The following DLG2 variants were observed in gnomAD, a reference collection of about 807,000 sequenced individuals.
DLG2 encodes disks large homolog 2.
In DLG2, 45 loss-of-function variants were observed where a neutral mutation model predicts 132.5. The observed-to-expected ratio is 0.34, with a 90% confidence interval of 0.27 to 0.44. DLG2 has a LOEUF of 0.44. DLG2 is among the 20% of genes least tolerant of loss of function. The pLI is 1.00. For missense variants in DLG2, 1,045 were observed against 1,196.9 expected (o/e 0.87, Z 1.87); for synonymous variants, 424 against 419.6 (o/e 1.01, Z -0.13).
chr11:84,481,730 T>G (rs965579716), intron 7 of DLG2, among the ~76,000 whole-genome samples: 1 of 152,154 alleles, frequency 6.6e-6, no homozygotes, highest in Admixed American at 6.6e-5. Context: ...AAGTCAAATA[T>G]AGCATTTTCT....
chr11:84,764,414 A>G (rs1410583403), intron 6 of DLG2, among the ~76,000 whole-genome samples: 2 of 152,114 alleles, frequency 1.3e-5, no homozygotes, highest in Non-Finnish European at 2.9e-5. Context: ...TCTAGTCAAT[A>G]TTTTGACGCA....
At chr11:84,264,766 G>A (rs546442804) in intron 7 of DLG2, among the ~76,000 whole-genome samples, 3 of 152,118 alleles carry the variant, frequency 2.0e-5, no homozygotes, top group Admixed American at 1.3e-4. Flanking sequence ...CAATCATCTC[G>A]TGACTGCTCC....
Position 83,770,255 on chromosome 11 carries a change from G to GTTTTTTTTTTTTTTTTT in DLG2, c.1825+16434_1825+16435insAAAAAAAAAAAAAAAAA, listed in dbSNP as rs143065797. On this transcript the variant is annotated intron_variant, in intron 18 of 27. Transcript: ENST00000376104. ...TACCTTTTGTCTCGTGGTGTCTGGT[G>GTTTTTTTTTTTTTTTTT]TTTTTTTTTGTTTTTTTGCTTTTTG... Among the ~76,000 whole-genome samples the GTTTTTTTTTTTTTTTTT allele has an allele frequency of 1.5e-3, 161 of 109,610 alleles. 4 individuals are homozygous for GTTTTTTTTTTTTTTTTT. The highest frequency in any genetic ancestry group is 4.7e-3 in the Middle Eastern group (1 of 212). The allele number at this position is 109,610 out of a possible 152,430, so 71.9% of individuals were successfully genotyped here.
At chr11:83,626,280 C>T (rs1418701976) in intron 19 of DLG2, among the ~76,000 whole-genome samples, 1 of 152,138 alleles carries the variant, frequency 6.6e-6, no homozygotes, top group Non-Finnish European at 1.5e-5. Context: ...GCACATAACA[C>T]ATGGGGTATC....
chr11:84,265,941 T>C (rs928316241), intron 7 of DLG2, among the ~76,000 whole-genome samples: 3 of 152,208 alleles, frequency 2.0e-5, no homozygotes, highest in Admixed American at 6.5e-5. Context: ...GGAAGAGGAC[T>C]GCCATTATTA....
chr11:84,903,055 C>A (rs1202814266), intron 6 of DLG2, among the ~76,000 whole-genome samples: 1 of 115,990 alleles, frequency 8.6e-6, no homozygotes, highest in African/African-American at 2.8e-5. Context: ...CTCTCTGATT[C>A]CATACCCAGG....
intron 7 of DLG2, among the ~76,000 whole-genome samples, chr11:84,413,544 T>A (rs1251079335): frequency 1.3e-5 from 2 of 152,204 alleles, no homozygotes; most frequent in Admixed American, 1.3e-4. Flanking sequence ...TAAACTCACC[T>A]GCAAGACACA....
At chr11:84,434,625 T>C (rs1266731767) in intron 7 of DLG2, among the ~76,000 whole-genome samples, 1 of 152,142 alleles carries the variant, frequency 6.6e-6, no homozygotes, top group Admixed American at 6.5e-5. Context: ...ATAAGCTGTA[T>C]GGAGATTACT....
chr11:83,734,416 C>T (rs1279275440), intron 18 of DLG2, among the ~76,000 whole-genome samples: 2 of 148,626 alleles, frequency 1.3e-5, no homozygotes, highest in African/African-American at 5.0e-5. Flanking sequence ...TCCCTCCCTC[C>T]TTCCCTCCCT....
chr11:83,608,708 A>ACACACACACACACACG (rs1491407909), intron 19 of DLG2, among the ~76,000 whole-genome samples: 3 of 130,582 alleles, frequency 2.3e-5, no homozygotes, highest in African/African-American at 9.2e-5. Context: ...ATAAATCAGG[A>ACACACACACACACACG]CACACACACA....
intron 6 of DLG2, among the ~76,000 whole-genome samples, chr11:85,097,490 C>T (rs1277683546): frequency 2.0e-5 from 3 of 152,122 alleles, no homozygotes; most frequent in Non-Finnish European, 4.4e-5. Flanking sequence ...TAGATGTATA[C>T]ACAGATTTGA....
intron 4 of DLG2, among the ~76,000 whole-genome samples, chr11:85,242,384 T>A (rs550474366): frequency 1.3e-5 from 2 of 151,964 alleles, no homozygotes; most frequent in Non-Finnish European, 2.9e-5. Flanking sequence ...GTCTTTATCA[T>A]TCCAGTCTAG....
At chr11:84,536,230 T>C (rs867750681) in intron 6 of DLG2, among the ~76,000 whole-genome samples, 1 of 152,166 alleles carries the variant, frequency 6.6e-6, no homozygotes, top group Non-Finnish European at 1.5e-5. Flanking sequence ...ATTTTACCTA[T>C]GAGAAAACTA....
chr11:84,410,571 AAACT>A (rs1352045216), intron 7 of DLG2, among the ~76,000 whole-genome samples: 1 of 149,292 alleles, frequency 6.7e-6, no homozygotes, highest in African/African-American at 2.5e-5. Flanking sequence ...AAAACCACAT[AAACT>A]TTTTTTTTTT....
chr11:83,596,707 C>T (rs527828620), intron 19 of DLG2, among the ~76,000 whole-genome samples: 4 of 152,314 alleles, frequency 2.6e-5, no homozygotes, highest in African/African-American at 7.2e-5. Context: ...ATTCAGTCTG[C>T]AGTTTCCACG....
chr11:83,619,426 C>T (rs1008467903), intron 19 of DLG2, among the ~76,000 whole-genome samples: 13 of 152,188 alleles, frequency 8.5e-5, no homozygotes, highest in East Asian at 3.9e-4. Flanking sequence ...GGTTAAGAGC[C>T]GGTATTTGGC....
At chr11:83,668,778 T>C (rs1592122382) in intron 18 of DLG2, among the ~76,000 whole-genome samples, 1 of 133,546 alleles carries the variant, frequency 7.5e-6, no homozygotes, top group African/African-American at 2.7e-5. Flanking sequence ...TAAACACACA[T>C]ATATATGTGT....
intron 7 of DLG2, among the ~76,000 whole-genome samples, chr11:84,468,761 A>C (rs1417240460): frequency 1.3e-5 from 2 of 151,684 alleles, no homozygotes; most frequent in Non-Finnish European, 3.0e-5. Context: ...TGTAAAATAC[A>C]CAAAATTTTA....
At chr11:83,622,350 G>A (rs1253395375) in intron 19 of DLG2, among the ~76,000 whole-genome samples, 2 of 152,168 alleles carry the variant, frequency 1.3e-5, no homozygotes, top group Admixed American at 1.3e-4. Context: ...CTTTAATGTG[G>A]GAATTCATAG....
Sources: gnomAD v4.1 joint callset for allele counts (sites outside exome capture counted in the v4.1 genomes callset) on GRCh38, gnomAD v4.1.1 for gene constraint, MANE v1.5 for transcripts, NCBI Gene and HGNC (gene_info 2026-07-23, HGNC 2026-07-21) for gene names.